The following MT4 variants were observed in gnomAD, a reference collection of about 807,000 sequenced individuals.
MT4 encodes metallothionein-4.
A neutral mutation model predicts 9.5 loss-of-function variants in MT4; 11 were observed. That is an observed-to-expected ratio of 1.16 (90% CI 0.73 to 1.92). The LOEUF (loss-of-function observed/expected upper bound fraction) is 1.92, where lower values mean the gene tolerates loss of function less well. Ranked by LOEUF, MT4 falls within the 30% of genes most tolerant of loss-of-function variation. The pLI is 0.00. For synonymous variants in MT4, 29 were observed against 24.6 expected (o/e 1.18, Z -0.53); for missense variants, 88 against 78.7 (o/e 1.12, Z -0.45).
chr16:56,565,194 C>A (rs201295508), intron 1 of MT4, 35 bp downstream of exon 1: 22 of 1,600,524 alleles, frequency 1.4e-5, no homozygotes, highest in Non-Finnish European at 1.8e-5. Flanking sequence ...GTCTGGGAAC[C>A]TTGGACCAGC....
chr16:56,566,942 A>G (rs750309460), intron 1 of MT4, among the ~76,000 whole-genome samples: 1 of 152,182 alleles, frequency 6.6e-6, no homozygotes, highest in Admixed American at 6.5e-5. Context: ...TTTTGAGTTC[A>G]CTGACGTTCC....
intron 1 of MT4, 115 bp downstream of exon 1, chr16:56,565,274 T>A: frequency 8.4e-7 from 1 of 1,197,396 alleles, no homozygotes; most frequent in Admixed American, 2.8e-5. Context: ...ACCAATGGGG[T>A]TCGTCCTGGG....
intron 2 of MT4, among the ~76,000 whole-genome samples, chr16:56,568,269 GAGAGAAAGAAAGAAAGAAAGAA>G (rs1959574960): frequency 2.4e-5 from 2 of 84,530 alleles, no homozygotes; most frequent in African/African-American, 1.2e-4. Flanking sequence ...GAGAGAGAGA[GAGAGAAAGAAAGAAAGAAAGAA>G]AGAAAGAAAG....
rs373176572 is a variant in MT4, at chr16:56,568,954, C to T, written c.*22C>T. The T allele has an allele frequency of 3.8e-6, 6 of 1,564,672 alleles. No individual in the cohort carries two copies. The highest frequency in any genetic ancestry group is 5.2e-6 in the Non-Finnish European group (6 of 1,152,250). ...ATGAAAGCCATCCATCGTGCCCACC[C>T]CTTCCAAGGAGAGAAACCTGGGAAG... On this transcript the variant is annotated 3_prime_UTR_variant, in exon 3 of 3. Coordinates refer to ENST00000219162, the MANE Select transcript of MT4 (RefSeq NM_032935.3).
At position 56,566,774 on chromosome 16, in the gene MT4, GAAAGAAAGAAAGAAA is replaced by G. The variant is rs1959532080; in HGVS notation, c.32-976_32-962del. Among the ~76,000 whole-genome samples the G allele has an allele frequency of 6.1e-3, 121 of 19,972 alleles. 2 individuals are homozygous for G. Among genetic ancestry groups the G allele is most frequent in the African/African-American group, 9.1e-3 (107 of 11,812 alleles). The allele number at this position is 19,972 out of a possible 152,430, so 13.1% of individuals were successfully genotyped here. ...GGAAGGAAGGAAGGAAGGAAGGAAA[GAAAGAAAGAAAGAAA>G]GAAAGAAAGAAAGAAAGAAAGAAAG... On this transcript the variant is annotated intron_variant, in intron 1 of 2. Coordinates refer to ENST00000219162, the MANE Select transcript of MT4 (RefSeq NM_032935.3).
chr16:56,568,219 G>A (rs1180077023), intron 2 of MT4, among the ~76,000 whole-genome samples: 5 of 23,230 alleles, frequency 2.2e-4, no homozygotes, highest in African/African-American at 6.0e-4. Flanking sequence ...GAGAGAGAAA[G>A]AAAGAAAGAA....
intron 1 of MT4, among the ~76,000 whole-genome samples, chr16:56,565,814 C>A (rs1265407680): frequency 6.6e-6 from 1 of 152,054 alleles, no homozygotes; most frequent in East Asian, 1.9e-4. Flanking sequence ...AACTGTAGTC[C>A]CAGCACTTTG....
rs963625294 is a variant in MT4, at chr16:56,568,821, G to T, written c.98-20G>T. 1 of 1,555,838 alleles carries T rather than the reference G, an allele frequency of 6.4e-7. No homozygotes were observed. The highest frequency in any genetic ancestry group is 8.7e-7 in the Non-Finnish European group (1 of 1,146,966). On this transcript the variant is annotated intron_variant, in intron 2 of 2. Transcript: ENST00000219162. ...AAGTGTTGACCCACAGCGGATCTGC[G>T]CATCTCCTGACTCTTTCAGGCTGCT...
At chr16:56,568,295 A>G (rs1024278503) in intron 2 of MT4, among the ~76,000 whole-genome samples, 35 of 144,002 alleles carry the variant, frequency 2.4e-4, no homozygotes, top group African/African-American at 5.9e-4. Flanking sequence ...GAAAGAAAGA[A>G]AGAAAGAAAG....
At chr16:56,568,555 C>A (rs985749577) in intron 2 of MT4, among the ~76,000 whole-genome samples, 1 of 152,132 alleles carries the variant, frequency 6.6e-6, no homozygotes, top group African/African-American at 2.4e-5. Flanking sequence ...GGATAGAGCA[C>A]TGGCCTGGAG....
intron 1 of MT4, among the ~76,000 whole-genome samples, chr16:56,565,855 G>T (rs1959511214): frequency 6.6e-6 from 1 of 152,108 alleles, no homozygotes; most frequent in African/African-American, 2.4e-5. Flanking sequence ...CTTGAGGCCA[G>T]GAGTTCAATA....
intron 1 of MT4, 66 bp downstream of exon 1, chr16:56,565,225 G>A (rs1209157045): frequency 5.1e-6 from 8 of 1,558,888 alleles, no homozygotes; most frequent in Non-Finnish European, 7.0e-6. Flanking sequence ...GAGCCTGCAG[G>A]TCCCTGATGA....
chr16:56,567,725 T>C (rs762318284), intron 1 of MT4, 26 bp from the exon 2 acceptor site: 3 of 1,609,888 alleles, frequency 1.9e-6, no homozygotes, highest in Non-Finnish European at 2.5e-6. Context: ...TCCTCACGTT[T>C]GTGGTGGCTC....
rs200967510 is a variant in MT4 at position 56,566,823 on chromosome 16, G to A, written c.32-928G>A. On this transcript the variant is annotated intron_variant, in intron 1 of 2. Transcript: ENST00000219162. ...GAAAGAAAGAAAGAAAGAAAGAAAA[G>A]AAAGAAAGAAAGAAAGAAAGAAAGA... Among the ~76,000 whole-genome samples the A allele has an allele frequency of 3.1e-3, 244 of 79,910 alleles. 1 individual carries two copies. The highest frequency in any genetic ancestry group is 8.5e-3 in the African/African-American group (182 of 21,376). The allele number at this position is 79,910 out of a possible 152,430, so 52.4% of individuals were successfully genotyped here. A position where few individuals can be genotyped will look rare whatever the true frequency, so the allele number is the denominator to read the frequency against.
intron 1 of MT4, among the ~76,000 whole-genome samples, chr16:56,566,006 G>T (rs1959513272): frequency 6.6e-6 from 1 of 151,640 alleles, no homozygotes. Context: ...CGAGGCTGCA[G>T]CAAACTAGGA....
Position 56,568,273 on chromosome 16 carries a change from GAAAGAAAGAAAGAAAGAA to G in MT4, c.97+459_97+476del, listed in dbSNP as rs1297840735. On this transcript the variant is annotated intron_variant, in intron 2 of 2. Coordinates refer to ENST00000219162, the MANE Select transcript of MT4 (RefSeq NM_032935.3). ...AAAGAAAGAAAGAGAGAGAGAGAGA[GAAAGAAAGAAAGAAAGAA>G]AGAAAGAAAGAAAGAAAGAAAGAAA... is the stretch of plus-strand genomic sequence containing the variant. Among the ~76,000 whole-genome samples the G allele has an allele frequency of 4.4e-4, 44 of 99,118 alleles. 1 individual carries two copies. The highest frequency in any genetic ancestry group is 1.9e-3 in the African/African-American group (43 of 22,358). 65.0% of individuals were successfully genotyped at this position (99,118 alleles called of 152,430 possible).
At chr16:56,565,430 G>C (rs1261354137) in intron 1 of MT4, among the ~76,000 whole-genome samples, 2 of 152,186 alleles carry the variant, frequency 1.3e-5, no homozygotes, top group South Asian at 2.1e-4. Context: ...GGCCCCTAAG[G>C]GCAGTCACCA....
intron 1 of MT4, among the ~76,000 whole-genome samples, chr16:56,566,765 G>GAAAGAAAGAAA (rs1959530710): frequency 1.8e-5 from 1 of 56,674 alleles, no homozygotes; most frequent in South Asian, 6.4e-4. Flanking sequence ...AAGGAAGGAA[G>GAAAGAAAGAAA]GAAGGAAAGA....
chr16:56,567,613 G>T, intron 1 of MT4, 138 bp from the exon 2 acceptor site: 1 of 735,222 alleles, frequency 1.4e-6, no homozygotes, highest in Middle Eastern at 2.9e-4. Context: ...ATGCTCAGCA[G>T]CCTTGTCACC....
Sources: gnomAD v4.1 joint callset for allele counts (sites outside exome capture counted in the v4.1 genomes callset) on GRCh38, gnomAD v4.1.1 for gene constraint, MANE v1.5 for transcripts, NCBI Gene and HGNC (gene_info 2026-07-23, HGNC 2026-07-21) for gene names.